PRKN: variants seen among roughly 807,000 people sequenced by gnomAD.
The protein encoded by PRKN is parkin RBR E3 ubiquitin protein ligase.
In PRKN, 56 loss-of-function variants were observed where a neutral mutation model predicts 59.5. That is an observed-to-expected ratio of 0.94 (90% CI 0.76 to 1.18). The LOEUF (loss-of-function observed/expected upper bound fraction) is 1.18. PRKN is among the 50% of genes most tolerant of loss of function. PRKN has a pLI of 0.00. For synonymous variants in PRKN, 250 were observed against 222.1 expected (o/e 1.13, Z -1.12); for missense variants, 657 against 596.4 (o/e 1.10, Z -1.06).
intron 1 of PRKN, among the ~76,000 whole-genome samples, chr6:162,504,039 G>A (rs1400421022): frequency 6.6e-6 from 1 of 151,924 alleles, no homozygotes; most frequent in Non-Finnish European, 1.5e-5. Flanking sequence ...GCTCCAGGCA[G>A]AACTACTGGA....
At position 161,578,678 on chromosome 6, in the gene PRKN, C is replaced by T. The variant is rs771087519; in HGVS notation, c.872-9262G>A. Among the ~76,000 whole-genome samples the T allele has an allele frequency of 3.3e-5, 5 of 152,174 alleles. No individual in the cohort carries two copies. The highest frequency in any genetic ancestry group is 6.5e-5 in the Admixed American group (1 of 15,278). ...TGTGACACCTCCATGACTGTCCACACGATGGTGTCACTTCCTGCACTAGAT... is the reference window on the plus strand; with the variant it reads ...TGTGACACCTCCATGACTGTCCACATGATGGTGTCACTTCCTGCACTAGAT... On this transcript the variant is annotated intron_variant, in intron 7 of 11. Coordinates refer to ENST00000366898, the MANE Select transcript of PRKN (RefSeq NM_004562.3). This position sits in a 1 kb window ranked among gnomAD's most constrained non-coding sequence, Gnocchi z 4.2.
chr6:161,587,762 G>A (rs1475968316), intron 7 of PRKN, among the ~76,000 whole-genome samples: 3 of 152,090 alleles, frequency 2.0e-5, no homozygotes, highest in Non-Finnish European at 4.4e-5. Flanking sequence ...AATATACACC[G>A]AACCCAATGT....
intron 7 of PRKN, among the ~76,000 whole-genome samples, chr6:161,767,241 C>T (rs1411851674): frequency 3.3e-5 from 5 of 152,276 alleles, no homozygotes; most frequent in East Asian, 1.9e-4. Context: ...GGGCCGGGCA[C>T]GGTGGCTCAT....
intron 7 of PRKN, among the ~76,000 whole-genome samples, chr6:161,604,718 T>C (rs1020487068): frequency 3.3e-5 from 5 of 152,176 alleles, no homozygotes; most frequent in African/African-American, 1.2e-4. Flanking sequence ...GCGGATCACT[T>C]GAGAACAGGA....
At chr6:162,001,666 G>C (rs1782061483) in intron 5 of PRKN, among the ~76,000 whole-genome samples, 1 of 151,760 alleles carries the variant, frequency 6.6e-6, no homozygotes, top group South Asian at 2.1e-4. Context: ...TCTTGCATTA[G>C]TTAGGCCTTC....
At chr6:161,660,748 A>G (rs1467355574) in intron 7 of PRKN, among the ~76,000 whole-genome samples, 1 of 152,114 alleles carries the variant, frequency 6.6e-6, no homozygotes, top group African/African-American at 2.4e-5. Context: ...TGCTCTGCGC[A>G]CATGTCCTTC....
rs551855305 is a variant in PRKN, at chr6:162,137,635, TC to T, written c.534+63495del. Among the ~76,000 whole-genome samples, 20 of 152,194 alleles carry T rather than the reference TC, an allele frequency of 1.3e-4. No individual in the cohort carries two copies. In the South Asian group the frequency reaches 3.7e-3, roughly 28 times the overall value. ...ATCAAGGTGCTGGCATCTGGCAAGG[TC>T]TTTGTGTTGTGTCATGACATAGTGA... is the stretch of plus-strand genomic sequence containing the variant. On this transcript the variant is annotated intron_variant, in intron 4 of 11. Coordinates refer to ENST00000366898, the MANE Select transcript of PRKN (RefSeq NM_004562.3).
intron 6 of PRKN, among the ~76,000 whole-genome samples, chr6:161,970,678 C>T (rs1396820425): frequency 1.3e-5 from 2 of 151,848 alleles, no homozygotes; most frequent in Non-Finnish European, 2.9e-5. Flanking sequence ...GCTGGGACTA[C>T]AGGCATGTGC....
intron 4 of PRKN, among the ~76,000 whole-genome samples, chr6:162,157,995 T>C (rs1782590001): frequency 6.6e-6 from 1 of 151,848 alleles, no homozygotes; most frequent in African/African-American, 2.4e-5. Context: ...TATGTTTCTT[T>C]GAGATTATTT....
intron 7 of PRKN, among the ~76,000 whole-genome samples, chr6:161,779,435 C>CTTTCCTTTTTTTTTTTTTTTTTTT (rs1234367519): frequency 1.5e-4 from 6 of 40,428 alleles, no homozygotes; most frequent in Non-Finnish European, 2.5e-4. Context: ...TTTTTCTTTT[C>CTTTCCTTTTTTTTTTTTTTTTTTT]TTTTCTTTTT....
intron 2 of PRKN, among the ~76,000 whole-genome samples, chr6:162,429,713 TAGAA>T (rs1444822372): frequency 6.6e-6 from 1 of 152,062 alleles, no homozygotes; most frequent in African/African-American, 2.4e-5. Flanking sequence ...TGCACTCAAA[TAGAA>T]AGCTCCACAA....
chr6:162,118,305 T>C (rs1780761305), intron 4 of PRKN, among the ~76,000 whole-genome samples: 1 of 151,290 alleles, frequency 6.6e-6, no homozygotes, highest in African/African-American at 2.4e-5. Flanking sequence ...CTTGGGAGGC[T>C]GAGACAGGAG....
chr6:161,997,111 C>G (rs1459645202), intron 5 of PRKN, among the ~76,000 whole-genome samples: 1 of 152,154 alleles, frequency 6.6e-6, no homozygotes, highest in Admixed American at 6.6e-5. Flanking sequence ...GTGGCTAGCA[C>G]ATTCGACGCA....
chr6:162,113,153 T>C (rs113627310), intron 4 of PRKN, among the ~76,000 whole-genome samples: 7 of 152,236 alleles, frequency 4.6e-5, no homozygotes, highest in South Asian at 2.1e-4. Context: ...CTCATGTAAC[T>C]GATCATTTCT....
At chr6:162,484,417 T>C (rs1026075528) in intron 1 of PRKN, among the ~76,000 whole-genome samples, 2 of 152,114 alleles carry the variant, frequency 1.3e-5, no homozygotes, top group Non-Finnish European at 2.9e-5. Flanking sequence ...CAACAGGAGT[T>C]GATACTGTAA....
chr6:162,536,236 C>T (rs1778711462), intron 1 of PRKN, among the ~76,000 whole-genome samples: 1 of 152,090 alleles, frequency 6.6e-6, no homozygotes. Flanking sequence ...CTTCACTCAG[C>T]AATGCCTTCA....
At position 162,389,007 on chromosome 6, in the gene PRKN, G is replaced by GAAAAA. The variant is rs71278564; in HGVS notation, c.171+54298_171+54302dup. ...TTTTAAAATCCTTTCAGTTCCTCCA[G>GAAAAA]AAAAAAAAAAAAAAAAACAAAAAAA... is the stretch of plus-strand genomic sequence containing the variant. On this transcript the variant is annotated intron_variant, in intron 2 of 11. Transcript: ENST00000366898. Among the ~76,000 whole-genome samples the GAAAAA allele has an allele frequency of 8.4e-3, 878 of 104,082 alleles. 38 individuals are homozygous for GAAAAA. Among genetic ancestry groups the GAAAAA allele is most frequent in the African/African-American group, 0.028 (793 of 28,086 alleles). 68.3% of individuals were successfully genotyped at this position (104,082 alleles called of 152,430 possible). A position where few individuals can be genotyped will look rare whatever the true frequency, so the allele number is the denominator to read the frequency against.
intron 6 of PRKN, among the ~76,000 whole-genome samples, chr6:161,854,988 C>A (rs1402832922): frequency 1.4e-5 from 2 of 146,830 alleles, no homozygotes; most frequent in African/African-American, 2.5e-5. Flanking sequence ...GAGGCTGAGG[C>A]AGGAGAATTC....
intron 5 of PRKN, among the ~76,000 whole-genome samples, chr6:161,976,125 G>C (rs1455408931): frequency 6.6e-6 from 1 of 151,992 alleles, no homozygotes; most frequent in Non-Finnish European, 1.5e-5. Context: ...GGCTAGTCTT[G>C]AACTCCTGAC....
Sources: allele counts gnomAD v4.1 joint callset (sites outside exome capture counted in the v4.1 genomes callset), GRCh38; gene constraint gnomAD v4.1.1; non-coding constraint Gnocchi (gnomAD v3.1); transcripts MANE v1.5; gene names NCBI Gene and HGNC (gene_info 2026-07-23, HGNC 2026-07-21).